Variants in ADK observed in about 807,000 individuals in gnomAD.
ADK encodes the protein N6,N6-dimethyladenosine kinase.
ADK carries 24 observed loss-of-function variants against 44.7 expected under a neutral mutation model. The ratio of observed to expected loss-of-function variants is 0.54; its 90% CI spans 0.39 to 0.76. The LOEUF (loss-of-function observed/expected upper bound fraction) is 0.76, where lower values mean the gene tolerates loss of function less well. ADK is among the 30% of genes least tolerant of loss of function. The pLI is 0.00. For synonymous variants in ADK, 128 were observed against 142.6 expected, an observed-to-expected ratio of 0.90 and a Z score of 0.73; for missense variants, 321 against 425.1, an observed-to-expected ratio of 0.76 and a Z score of 2.15.
At chr10:74,422,053 C>A (rs1446221660) in intron 6 of ADK, among the ~76,000 whole-genome samples, 1 of 152,052 alleles carries the variant, frequency 6.6e-6, no homozygotes, top group Non-Finnish European at 1.5e-5. Context: ...GAGTCATATC[C>A]AAAAATTGAG....
chr10:74,287,921 G>A (rs1433571654), intron 3 of ADK, among the ~76,000 whole-genome samples: 3 of 147,906 alleles, frequency 2.0e-5, no homozygotes, highest in African/African-American at 7.6e-5. Context: ...GGTTGAGGCT[G>A]CAGTGAGCCA....
intron 9 of ADK, among the ~76,000 whole-genome samples, chr10:74,601,232 A>G (rs878888939): frequency 6.6e-6 from 1 of 152,080 alleles, no homozygotes; most frequent in Non-Finnish European, 1.5e-5. Context: ...GTTCTTATCT[A>G]TTGGTGCTAA....
chr10:74,546,622 T>G (rs1022902423), intron 7 of ADK, among the ~76,000 whole-genome samples: 1 of 152,166 alleles, frequency 6.6e-6, no homozygotes. Context: ...AAATTACTTA[T>G]AAGTCTCTTG....
intron 9 of ADK, among the ~76,000 whole-genome samples, chr10:74,604,148 T>C (rs969195543): frequency 2.0e-5 from 3 of 152,248 alleles, no homozygotes; most frequent in Admixed American, 1.3e-4. Context: ...TTCTGGATAT[T>C]AGCCCTTTGT....
intron 6 of ADK, among the ~76,000 whole-genome samples, chr10:74,467,520 TTTAC>T (rs1463471453): frequency 6.6e-6 from 1 of 152,120 alleles, no homozygotes; most frequent in Non-Finnish European, 1.5e-5. Flanking sequence ...ATAAAAAATT[TTTAC>T]TTAATACATT....
chr10:74,312,475 G>C (rs1477272151), intron 3 of ADK, among the ~76,000 whole-genome samples: 1 of 146,962 alleles, frequency 6.8e-6, no homozygotes, highest in African/African-American at 2.5e-5. Flanking sequence ...ATAGCACCAA[G>C]ACATTCATTT....
intron 9 of ADK, among the ~76,000 whole-genome samples, chr10:74,653,062 A>C (rs2134139877): frequency 6.6e-6 from 1 of 152,286 alleles, no homozygotes; most frequent in East Asian, 1.9e-4. Context: ...TAGATTATTC[A>C]ATCTTTCCCA....
At chr10:74,467,982 A>G (rs912677620) in intron 6 of ADK, among the ~76,000 whole-genome samples, 1 of 152,190 alleles carries the variant, frequency 6.6e-6, no homozygotes, top group Non-Finnish European at 1.5e-5. Flanking sequence ...ATTAGTTCTC[A>G]CTACACTGTA....
chr10:74,279,415 G>A (rs1214484627), intron 3 of ADK, among the ~76,000 whole-genome samples: 9 of 151,860 alleles, frequency 5.9e-5, no homozygotes, highest in African/African-American at 1.2e-4. Flanking sequence ...GTGAAACCCC[G>A]TCTCTACTAA....
intron 3 of ADK, among the ~76,000 whole-genome samples, chr10:74,243,199 C>T (rs1325345714): frequency 3.9e-5 from 6 of 152,174 alleles, no homozygotes; most frequent in Non-Finnish European, 8.8e-5. Context: ...GTCGTGGGCA[C>T]CCTCACCTGG....
At chr10:74,573,681 T>C (rs1240725536) in intron 7 of ADK, among the ~76,000 whole-genome samples, 1 of 152,236 alleles carries the variant, frequency 6.6e-6, no homozygotes, top group African/African-American at 2.4e-5. Context: ...TCCTGGCTGC[T>C]TTGTTTACCC....
At chr10:74,176,733 C>A (rs754737495) in intron 1 of ADK, 1 of 1,504,112 alleles carries the variant, frequency 6.6e-7, no homozygotes, top group Non-Finnish European at 8.9e-7. Context: ...AGGGGCCGCC[C>A]GCGCGCGGGG....
At chr10:74,549,214 A>G (rs1849944144) in intron 7 of ADK, among the ~76,000 whole-genome samples, 1 of 152,186 alleles carries the variant, frequency 6.6e-6, no homozygotes, top group Non-Finnish European at 1.5e-5. Flanking sequence ...ACATTCTGAA[A>G]TCACACACAG....
intron 7 of ADK, among the ~76,000 whole-genome samples, chr10:74,582,126 C>T (rs1294529429): frequency 6.6e-6 from 1 of 152,020 alleles, no homozygotes; most frequent in Non-Finnish European, 1.5e-5. Flanking sequence ...TGGAAATAAC[C>T]TGCCTGGGCA....
intron 9 of ADK, among the ~76,000 whole-genome samples, chr10:74,634,005 C>T (rs1386050887): frequency 6.6e-6 from 1 of 152,150 alleles, no homozygotes; most frequent in Non-Finnish European, 1.5e-5. Flanking sequence ...TGGATGACCC[C>T]TCAATTACGC....
At chr10:74,500,476 G>T (rs1589177649) in intron 6 of ADK, among the ~76,000 whole-genome samples, 1 of 152,172 alleles carries the variant, frequency 6.6e-6, no homozygotes, top group East Asian at 1.9e-4. Context: ...TACCCACACA[G>T]GTTTCTGATT....
At chr10:74,427,745 G>A (rs1844851337) in intron 6 of ADK, among the ~76,000 whole-genome samples, 1 of 151,966 alleles carries the variant, frequency 6.6e-6, no homozygotes, top group South Asian at 2.1e-4. Context: ...GTGTGTGTGT[G>A]TGTGTGTGTG....
intron 10 of ADK, among the ~76,000 whole-genome samples, chr10:74,702,571 C>CCTTCCTTCCTCT (rs1554900319): frequency 6.9e-6 from 1 of 144,114 alleles, no homozygotes; most frequent in Non-Finnish European, 1.5e-5. Flanking sequence ...TTCCTTCCTT[C>CCTTCCTTCCTCT]CTCTCTCTCT....
chr10:74,307,957 ACTTTTT>A (rs1840313072), intron 3 of ADK, among the ~76,000 whole-genome samples: 1 of 152,146 alleles, frequency 6.6e-6, no homozygotes, highest in South Asian at 2.1e-4. Context: ...CTTACATATG[ACTTTTT>A]CTTTTTATGA....
Sources: allele counts gnomAD v4.1 joint callset (sites outside exome capture counted in the v4.1 genomes callset), GRCh38; gene constraint gnomAD v4.1.1; transcripts MANE v1.5; gene names NCBI Gene and HGNC (gene_info 2026-07-23, HGNC 2026-07-21).